The following GREB1 variants were observed in gnomAD, a reference collection of about 807,000 sequenced individuals.
The protein encoded by GREB1 is protein GREB1.
In GREB1, 106 loss-of-function variants were observed where a neutral mutation model predicts 200.7. The ratio of observed to expected loss-of-function variants is 0.53; its 90% confidence interval spans 0.45 to 0.62. The LOEUF (loss-of-function observed/expected upper bound fraction) is 0.62. GREB1 is among the 20% of genes least tolerant of loss of function. The probability of loss-of-function intolerance (pLI) is 0.00; values close to 1 mark genes in which losing one functional copy is unlikely to be tolerated. For synonymous variants in GREB1, 1,132 were observed against 1,092.4 expected (o/e 1.04, Z -0.72); for missense variants, 2,243 against 2,556.8 (o/e 0.88, Z 2.65).
chr2:11,624,429 C>T (rs960669720), intron 23 of GREB1, among the ~76,000 whole-genome samples: 4 of 151,090 alleles, frequency 2.6e-5, no homozygotes, highest in Non-Finnish European at 5.9e-5. Context: ...ACTGCAACCT[C>T]CGCCTCCTGG....
intron 17 of GREB1, among the ~76,000 whole-genome samples, chr2:11,606,083 C>A (rs1366073189): frequency 6.6e-6 from 1 of 152,162 alleles, no homozygotes; most frequent in Admixed American, 6.5e-5. Flanking sequence ...AACTCCAGAA[C>A]TGTCCCCGCC....
Position 11,615,071 on chromosome 2 carries a change from C to T in GREB1, c.3123-20C>T, listed in dbSNP as rs1185101231. The T allele has an allele frequency of 3.1e-6, 5 of 1,588,510 alleles. No homozygotes were observed. Among genetic ancestry groups the T allele is most frequent in the Admixed American group, 1.7e-5 (1 of 59,984 alleles). ...CTTGTGGAAGGCACTAAACAGACAC[C>T]TTCTTCTGTGTCTTGCTAGGTCTTT... On this transcript the variant is annotated intron_variant, in intron 19 of 32. Transcript: ENST00000381486.
chr2:11,600,929 A>G lies in GREB1; in HGVS notation c.2463A>G (p.Ala821=), dbSNP rs1305992935. 1 of 1,614,158 alleles carries G rather than the reference A, an allele frequency of 6.2e-7. No homozygotes were observed. Among genetic ancestry groups the G allele is most frequent in the Non-Finnish European group, 8.5e-7 (1 of 1,180,028 alleles). ...VTLHVTSFPY[A]LQTQHTLISP... ...TTCACGTGACCTCCTTCCCGTATGC[A>G]CTGCAGACACAGCACACCCTCATCA... is the stretch of plus-strand genomic sequence containing the variant. Residue 821 remains alanine (A), a synonymous_variant, in exon 16 of 33, where the codon GCA becomes GCG. Transcript: ENST00000381486.
intron 1 of GREB1, among the ~76,000 whole-genome samples, chr2:11,511,138 C>T (rs1455183762): frequency 6.6e-6 from 1 of 152,186 alleles, no homozygotes; most frequent in African/African-American, 2.4e-5. Flanking sequence ...AGGCTCACTT[C>T]CTCCCAGCAG....
chr2:11,521,406 G>C (rs992309656), intron 1 of GREB1, among the ~76,000 whole-genome samples: 1 of 152,082 alleles, frequency 6.6e-6, no homozygotes, highest in African/African-American at 2.4e-5. Context: ...CATTGTGCCC[G>C]GCCTAGTCTC....
intron 17 of GREB1, among the ~76,000 whole-genome samples, chr2:11,607,563 TAC>T (rs1325655795): frequency 2.3e-5 from 3 of 132,216 alleles, no homozygotes; most frequent in African/African-American, 6.2e-5. Context: ...TACATATATA[TAC>T]GCATATATAC....
chr2:11,513,282 G>A (rs949720770), intron 1 of GREB1, among the ~76,000 whole-genome samples: 13 of 152,256 alleles, frequency 8.5e-5, no homozygotes, highest in Admixed American at 3.9e-4. Context: ...GCGGGTGGGC[G>A]TCTCTCCCTT....
At chr2:11,506,204 C>G (rs2148438416) in intron 1 of GREB1, among the ~76,000 whole-genome samples, 1 of 152,312 alleles carries the variant, frequency 6.6e-6, no homozygotes. Context: ...CTAGTCACAG[C>G]AAATCATCTC....
At chr2:11,535,012 T>C (rs1674224901) in intron 1 of GREB1, among the ~76,000 whole-genome samples, 1 of 152,156 alleles carries the variant, frequency 6.6e-6, no homozygotes, top group Non-Finnish European at 1.5e-5. Flanking sequence ...CTCTAGTTCT[T>C]GTTGGTTGAT....
rs993604773 is a variant in GREB1 at position 11,493,373 on chromosome 2, G to A, written c.-159+10992G>A. Among the ~76,000 whole-genome samples the A allele has an allele frequency of 2.0e-5, 3 of 152,270 alleles. No homozygotes were observed. The highest frequency in any genetic ancestry group is 2.0e-4 in the Admixed American group (3 of 15,302). On this transcript the variant is annotated intron_variant, in intron 1 of 2. Coordinates refer to the GREB1 transcript ENST00000628795. This position sits in a 1 kb window ranked among gnomAD's most constrained non-coding sequence, Gnocchi z 4.6. ...GGTATTAGATTCTCATAAGGAGCGTGCAACCTGGATCCCTTGTAGGCGCAG... is the reference window on the plus strand; with the variant it reads ...GGTATTAGATTCTCATAAGGAGCGTACAACCTGGATCCCTTGTAGGCGCAG...
chr2:11,573,421 A>T (rs1179893462), intron 4 of GREB1, among the ~76,000 whole-genome samples: 1 of 152,256 alleles, frequency 6.6e-6, no homozygotes, highest in Non-Finnish European at 1.5e-5. Context: ...TTCAGGCAGG[A>T]TCCCATGCTT....
chr2:11,615,032 G>A, intron 19 of GREB1, 59 bp from the exon 20 acceptor site: 3 of 1,311,922 alleles, frequency 2.3e-6, no homozygotes, highest in Non-Finnish European at 3.3e-6. Context: ...TGCCGCAGTG[G>A]GAACAGCACT....
chr2:11,562,614 G>C (rs1461530997), intron 3 of GREB1, 32 bp downstream of exon 3: 2 of 1,549,500 alleles, frequency 1.3e-6, no homozygotes, highest in Non-Finnish European at 8.7e-7. Flanking sequence ...GCCAGGCAGT[G>C]CCTGCCATGC....
rs1680431698 is a variant in GREB1 at position 11,588,769 on chromosome 2, T to G, written c.1183T>G (p.Cys395Gly). The G allele has an allele frequency of 1.2e-6, 2 of 1,614,230 alleles. No homozygotes were observed. Among genetic ancestry groups the G allele is most frequent in the East Asian group, 4.5e-5 (2 of 44,886 alleles). The part of the protein sequence containing the change: ...FKGHGNFPYL[C>G]GNLNDVVVSP... ...AGGCCATGGGAACTTCCCTTACCTCTGTGGGAACCTGAATGACGTCGTGGT... is the reference window on the plus strand; with the variant it reads ...AGGCCATGGGAACTTCCCTTACCTCGGTGGGAACCTGAATGACGTCGTGGT... The change falls in exon 10 of 33, where the codon TGT becomes GGT. Residue 395 changes from cysteine to glycine, a missense_variant. Cys to Gly is a radical substitution (Grantham distance 159, BLOSUM62 -3). This residue lies in a region of GREB1 where 1,178 missense variants were observed against 1,387.4 expected (regional missense o/e 0.85). Coordinates refer to ENST00000381486, the MANE Select transcript of GREB1 (RefSeq NM_014668.4).
At position 11,635,351 on chromosome 2, in the gene GREB1, G is replaced by A. The variant is rs1354003887; in HGVS notation, c.5292G>A (p.Val1764=). The A allele has an allele frequency of 2.5e-6, 4 of 1,613,992 alleles. No homozygotes were observed. The highest frequency in any genetic ancestry group is 3.4e-6 in the Non-Finnish European group (4 of 1,180,006). ...TCTGCCGGTTCAACCGCTTCAGCGTGATGAAGAAGCAGATCGTGGTGGGCG... is the reference window on the plus strand; with the variant it reads ...TCTGCCGGTTCAACCGCTTCAGCGTAATGAAGAAGCAGATCGTGGTGGGCG... ...LLLCRFNRFS[V]MKKQIVVGGH... The change falls in exon 30 of 33, where the codon GTG becomes GTA. Residue 1764 remains valine (V), a synonymous_variant. Transcript: ENST00000381486.
At chr2:11,602,041 T>C (rs1392439632) in intron 16 of GREB1, among the ~76,000 whole-genome samples, 1 of 152,258 alleles carries the variant, frequency 6.6e-6, no homozygotes, top group African/African-American at 2.4e-5. Context: ...TAGTAGCAAC[T>C]GAATGCAAAA....
chr2:11,490,216 T>C (rs1672747918), intron 1 of GREB1, among the ~76,000 whole-genome samples: 1 of 152,106 alleles, frequency 6.6e-6, no homozygotes, highest in East Asian at 1.9e-4. Context: ...GCCCACATCC[T>C]CCTCTCCCAG....
At chr2:11,636,556 A>G (rs1170894544) in intron 30 of GREB1, among the ~76,000 whole-genome samples, 2 of 152,270 alleles carry the variant, frequency 1.3e-5, no homozygotes, top group Non-Finnish European at 2.9e-5. Flanking sequence ...TACCCAGCCC[A>G]GCAGCTGGGG....
intron 17 of GREB1, among the ~76,000 whole-genome samples, chr2:11,609,783 C>T (rs1200802551): frequency 2.0e-5 from 3 of 152,196 alleles, no homozygotes; most frequent in African/African-American, 2.4e-5. Context: ...TGTAGGAAGG[C>T]GAGCTGGCTG....
Sources: allele counts gnomAD v4.1 joint callset (sites outside exome capture counted in the v4.1 genomes callset), GRCh38; gene constraint gnomAD v4.1.1; regional missense constraint gnomAD v4.1.1; non-coding constraint Gnocchi (gnomAD v3.1); transcripts MANE v1.5; gene names NCBI Gene and HGNC (gene_info 2026-07-23, HGNC 2026-07-21).